Variants in EPAS1 observed in about 807,000 individuals in gnomAD.
The protein encoded by EPAS1 is endothelial PAS domain-containing protein 1.
Under a neutral mutation model 87.9 loss-of-function variants are expected in EPAS1, and 23 were observed. The ratio of observed to expected loss-of-function variants is 0.26; its 90% CI spans 0.19 to 0.37. EPAS1 has a LOEUF of 0.37. Ranked by LOEUF, EPAS1 falls within the 10% of genes least tolerant of loss-of-function variation. The pLI is 1.00. For synonymous variants in EPAS1, 508 were observed against 444.3 expected, an observed-to-expected ratio of 1.14 and a Z score of -1.80; for missense variants, 1,138 against 1,120.7, an observed-to-expected ratio of 1.02 and a Z score of -0.22.
At chr2:46,319,266 G>T (rs1339742663) in intron 1 of EPAS1, among the ~76,000 whole-genome samples, 3 of 152,216 alleles carry the variant, frequency 2.0e-5, no homozygotes, top group Non-Finnish European at 4.4e-5. Context: ...TGATCCTCCA[G>T]TGTGGCCCAT....
intron 1 of EPAS1, among the ~76,000 whole-genome samples, chr2:46,331,241 C>G (rs1046899060): frequency 6.6e-6 from 1 of 152,202 alleles, no homozygotes; most frequent in African/African-American, 2.4e-5. Context: ...CAGTGTGTCT[C>G]CCTGACTGGG....
chr2:46,349,082 G>A (rs2103618434), intron 2 of EPAS1, among the ~76,000 whole-genome samples: 1 of 152,296 alleles, frequency 6.6e-6, no homozygotes, highest in African/African-American at 2.4e-5. Flanking sequence ...GGGACAGCAA[G>A]AGCATTTTGT....
At chr2:46,341,561 C>G (rs1394479322) in intron 1 of EPAS1, among the ~76,000 whole-genome samples, 2 of 152,224 alleles carry the variant, frequency 1.3e-5, no homozygotes, top group African/African-American at 4.8e-5. Context: ...GCATCTGGTA[C>G]AGTGGTGATC....
At chr2:46,366,640 T>C (rs1261682027) in intron 6 of EPAS1, among the ~76,000 whole-genome samples, 1 of 152,226 alleles carries the variant, frequency 6.6e-6, no homozygotes, top group Non-Finnish European at 1.5e-5. Flanking sequence ...ACAGCCCTAC[T>C]GAGTTGACTT....
At chr2:46,340,199 T>C (rs1683884181) in intron 1 of EPAS1, among the ~76,000 whole-genome samples, 1 of 152,012 alleles carries the variant, frequency 6.6e-6, no homozygotes, top group Non-Finnish European at 1.5e-5. Flanking sequence ...TGCTGCTCTT[T>C]TCTACAAGGC....
chr2:46,342,388 G>A (rs1175424295), intron 1 of EPAS1, among the ~76,000 whole-genome samples: 3 of 152,102 alleles, frequency 2.0e-5, no homozygotes, highest in Admixed American at 2.0e-4. Flanking sequence ...CTTGCAAATT[G>A]GCTCCAGCTT....
At chr2:46,358,751 A>G (rs532164645) in intron 4 of EPAS1, among the ~76,000 whole-genome samples, 2 of 152,358 alleles carry the variant, frequency 1.3e-5, no homozygotes, top group South Asian at 4.1e-4. Flanking sequence ...TCAATGCAAC[A>G]GCAAATCTTC....
intron 1 of EPAS1, among the ~76,000 whole-genome samples, chr2:46,338,414 C>T (rs1264816230): frequency 6.6e-6 from 1 of 152,166 alleles, no homozygotes; most frequent in African/African-American, 2.4e-5. Flanking sequence ...TGTCAGGGGT[C>T]GGGCAGTGGC....
intron 7 of EPAS1, among the ~76,000 whole-genome samples, chr2:46,372,343 A>G (rs1357677073): frequency 6.6e-6 from 1 of 152,200 alleles, no homozygotes; most frequent in Non-Finnish European, 1.5e-5. Context: ...TTGCAAGTCA[A>G]GTTTCACTAC....
At position 46,297,586 on chromosome 2, in the gene EPAS1, A is replaced by C; in HGVS notation, c.-326A>C. On this transcript the variant is annotated 5_prime_UTR_variant, in exon 1 of 16. Coordinates refer to ENST00000263734, the MANE Select transcript of EPAS1 (RefSeq NM_001430.5). ...CTTTTTTTTTTCTTTGAAAACTCAG[A>C]AAAGTGACTCCTTTTCCAGGGAAAA... The C allele has an allele frequency of 2.7e-6, 1 of 377,184 alleles. No homozygotes were observed. Among genetic ancestry groups the C allele is most frequent in the Non-Finnish European group, 4.9e-6 (1 of 203,162 alleles). 23.4% of individuals were successfully genotyped at this position (377,184 alleles called of 1,614,324 possible).
rs1249979168 is a variant in EPAS1, at chr2:46,385,158, A to G, written c.*498A>G. On this transcript the variant is annotated 3_prime_UTR_variant, in exon 16 of 16. Coordinates refer to ENST00000263734, the MANE Select transcript of EPAS1 (RefSeq NM_001430.5). Reference sequence around the variant, plus strand: ...GCAGAGCCCTTCTCGTTTCTTTTTTAAACTAATCACCATATTGTAAATTTC... The same window carrying G: ...GCAGAGCCCTTCTCGTTTCTTTTTTGAACTAATCACCATATTGTAAATTTC... 1 of 159,868 alleles carries G rather than the reference A, an allele frequency of 6.3e-6. No homozygotes were observed. The highest frequency in any genetic ancestry group is 1.4e-5 in the Non-Finnish European group (1 of 72,796). 9.9% of individuals were successfully genotyped at this position (159,868 alleles called of 1,614,324 possible). A position where few individuals can be genotyped will look rare whatever the true frequency, so the allele number is the denominator to read the frequency against.
In EPAS1 at chr2:46,375,269, C is replaced by CA. The variant is rs3832039; in HGVS notation, c.887-421_887-420insA. On this transcript the variant is annotated intron_variant, in intron 7 of 15. Coordinates refer to ENST00000263734, the MANE Select transcript of EPAS1 (RefSeq NM_001430.5). The surrounding 1 kb of genome is among the most constrained non-coding windows in gnomAD (Gnocchi z 4.1). ...AAGTCCCCCCACCTGGAGTGCTTGA[C>CA]GGGATGGCGCTCCTTACCCAGTGTG... is the stretch of plus-strand genomic sequence containing the variant. Among the ~76,000 whole-genome samples the CA allele has an allele frequency of 6.6e-6, 1 of 150,848 alleles. No homozygotes were observed. The highest frequency in any genetic ancestry group is 1.5e-5 in the Non-Finnish European group (1 of 67,748).
rs542212681 is a variant in EPAS1 at position 46,355,984 on chromosome 2, G to A, written c.218-167G>A. 1.4e-5 allele frequency: 10 copies of A among 728,856 alleles called. No individual in the cohort carries two copies. In the South Asian group the frequency reaches 1.6e-4, roughly 11 times the overall value. The allele number at this position is 728,856 out of a possible 1,614,324, so 45.1% of individuals were successfully genotyped here. The stretch of plus-strand genomic sequence containing the variant: ...CCGTCAGGGTGTCCTCTGTGCAGTG[G>A]TGCCTGCTGCCAGGCGGAGGCAGAC... On this transcript the variant is annotated intron_variant, in intron 2 of 15. Transcript: ENST00000263734.
rs1685005228 is a variant in EPAS1 at position 46,385,735 on chromosome 2, G to A, written c.*1075G>A. On this transcript the variant is annotated 3_prime_UTR_variant, in exon 16 of 16. Transcript: ENST00000263734. ...TGCTGCCAAGAGGGTCTGATGGCAC[G>A]TTGTGGGGTCGGGGGGTGGGGCGGG... 2 of 148,710 alleles carry A rather than the reference G, an allele frequency of 1.3e-5. No homozygotes were observed. The highest frequency in any genetic ancestry group is 5.0e-5 in the African/African-American group (2 of 40,086). The allele number at this position is 148,710 out of a possible 1,614,324, so 9.2% of individuals were successfully genotyped here.
chr2:46,332,953 A>T (rs1042669141), intron 1 of EPAS1, among the ~76,000 whole-genome samples: 2 of 152,152 alleles, frequency 1.3e-5, no homozygotes, highest in African/African-American at 2.4e-5. Flanking sequence ...CCTTGTCCGG[A>T]CTTGTTCACC....
intron 1 of EPAS1, among the ~76,000 whole-genome samples, chr2:46,314,813 T>C (rs1683280140): frequency 6.6e-6 from 1 of 152,198 alleles, no homozygotes. Context: ...AAGTCGCTGT[T>C]GGGCATGGCC....
chr2:46,381,202 C>G (rs1055839211), intron 12 of EPAS1: 1 of 363,428 alleles, frequency 2.8e-6, no homozygotes, highest in African/African-American at 2.1e-5. Flanking sequence ...TGCGAGCTCA[C>G]TGGGCTAAGG....
chr2:46,372,072 G>A (rs1052891251), intron 7 of EPAS1, among the ~76,000 whole-genome samples: 16 of 152,210 alleles, frequency 1.1e-4, no homozygotes, highest in African/African-American at 3.9e-4. Flanking sequence ...GGGAAAATAA[G>A]GTGCTTTTTA....
intron 1 of EPAS1, among the ~76,000 whole-genome samples, chr2:46,310,310 C>T (rs1259086361): frequency 1.3e-5 from 2 of 152,198 alleles, no homozygotes; most frequent in Non-Finnish European, 2.9e-5. Flanking sequence ...GTCCCTTTCT[C>T]ATTCTGGATT....
Sources: allele counts gnomAD v4.1 joint callset (sites outside exome capture counted in the v4.1 genomes callset), GRCh38; gene constraint gnomAD v4.1.1; non-coding constraint Gnocchi (gnomAD v3.1); transcripts MANE v1.5; gene names NCBI Gene and HGNC (gene_info 2026-07-23, HGNC 2026-07-21).